The following ACOXL variants were observed in gnomAD, a reference collection of about 807,000 sequenced individuals.
The protein encoded by ACOXL is acyl-CoA oxidase like.
Under a neutral mutation model 71.9 loss-of-function variants are expected in ACOXL, and 70 were observed. That is an observed-to-expected ratio of 0.97 (90% confidence interval 0.80 to 1.19). ACOXL has a LOEUF of 1.19. ACOXL is among the 50% of genes most tolerant of loss of function. The probability of loss-of-function intolerance (pLI) is 0.00; values close to 1 mark genes in which losing one functional copy is unlikely to be tolerated. For synonymous variants in ACOXL, 253 were observed against 281.6 expected (o/e 0.90, Z 1.02); for missense variants, 703 against 736.3 (o/e 0.95, Z 0.52).
At chr2:110,815,246 A>G (rs1308955700) in intron 9 of ACOXL, among the ~76,000 whole-genome samples, 2 of 152,202 alleles carry the variant, frequency 1.3e-5, no homozygotes, top group African/African-American at 4.8e-5. Flanking sequence ...TGATTCAATT[A>G]CTTCCCAATG....
intron 10 of ACOXL, among the ~76,000 whole-genome samples, chr2:110,884,943 C>T (rs962390694): frequency 1.3e-5 from 2 of 152,028 alleles, no homozygotes; most frequent in African/African-American, 4.8e-5. Context: ...TCTGCATTGG[C>T]ATTCTTTCTA....
intron 16 of ACOXL, among the ~76,000 whole-genome samples, chr2:111,054,325 G>C (rs895357597): frequency 2.0e-5 from 3 of 152,234 alleles, no homozygotes; most frequent in African/African-American, 7.2e-5. Flanking sequence ...TCTTGTTCTA[G>C]GTGGAGGGCT....
At chr2:110,773,162 T>C (rs1682181833) in intron 2 of ACOXL, among the ~76,000 whole-genome samples, 1 of 152,200 alleles carries the variant, frequency 6.6e-6, no homozygotes, top group South Asian at 2.1e-4. Flanking sequence ...TTGGTTGCAT[T>C]ATATTTATAT....
intron 10 of ACOXL, among the ~76,000 whole-genome samples, chr2:110,894,106 T>A (rs2058903882): frequency 6.6e-6 from 1 of 152,124 alleles, no homozygotes. Flanking sequence ...ATTTGAAACC[T>A]GCAATAGAAC....
chr2:110,832,705 T>C (rs1008611768), intron 9 of ACOXL, among the ~76,000 whole-genome samples: 2 of 152,194 alleles, frequency 1.3e-5, no homozygotes, highest in African/African-American at 4.8e-5. Flanking sequence ...ATGTAGAATA[T>C]GTTAAGAGCT....
chr2:110,866,369 C>A (rs1007398742), intron 10 of ACOXL, among the ~76,000 whole-genome samples: 1 of 152,044 alleles, frequency 6.6e-6, no homozygotes, highest in East Asian at 1.9e-4. Flanking sequence ...AGAAGACGGG[C>A]TTTGGAAGGG....
intron 1 of ACOXL, among the ~76,000 whole-genome samples, chr2:110,764,817 A>G (rs959162119): frequency 6.6e-6 from 1 of 152,224 alleles, no homozygotes; most frequent in Non-Finnish European, 1.5e-5. Flanking sequence ...GCTCTAAAAA[A>G]GTCTATTAAA....
At chr2:111,005,065 A>G (rs141007147) in intron 14 of ACOXL, among the ~76,000 whole-genome samples, 7 of 152,360 alleles carry the variant, frequency 4.6e-5, no homozygotes, top group Non-Finnish European at 8.8e-5. Flanking sequence ...GAAATTGGGC[A>G]AATGGAAGGA....
At chr2:110,856,344 C>T (rs1023856239) in intron 10 of ACOXL, among the ~76,000 whole-genome samples, 2 of 152,186 alleles carry the variant, frequency 1.3e-5, no homozygotes, top group Admixed American at 6.5e-5. Flanking sequence ...CACTTAGTAG[C>T]TGTCTCAGTG....
intron 15 of ACOXL, among the ~76,000 whole-genome samples, chr2:111,044,454 C>T (rs370025013): frequency 5.8e-4 from 89 of 152,342 alleles, no homozygotes; most frequent in African/African-American, 1.9e-3. Flanking sequence ...AAAGCTTAGC[C>T]GCAGGGGCAG....
intron 10 of ACOXL, among the ~76,000 whole-genome samples, chr2:110,881,788 G>T (rs1213007763): frequency 6.6e-6 from 1 of 151,926 alleles, no homozygotes; most frequent in African/African-American, 2.4e-5. Flanking sequence ...ATTATTTTGA[G>T]ATCCATTCAT....
intron 16 of ACOXL, among the ~76,000 whole-genome samples, chr2:111,081,592 C>T (rs2067925074): frequency 6.6e-6 from 1 of 152,188 alleles, no homozygotes; most frequent in Non-Finnish European, 1.5e-5. Context: ...AATGGCCATA[C>T]TGCCTGAAGT....
intron 10 of ACOXL, among the ~76,000 whole-genome samples, chr2:110,877,403 T>A (rs551278609): frequency 1.3e-5 from 2 of 152,362 alleles, no homozygotes; most frequent in African/African-American, 4.8e-5. Context: ...TGTGCTTGCT[T>A]TCTAGATGTT....
chr2:111,081,574 A>G (rs2067923304), intron 16 of ACOXL, among the ~76,000 whole-genome samples: 1 of 152,220 alleles, frequency 6.6e-6, no homozygotes, highest in African/African-American at 2.4e-5. Flanking sequence ...AAGAATCAAT[A>G]TCATGAAAAT....
Position 111,070,952 on chromosome 2 carries a change from T to C in ACOXL, c.1440+21664T>C, listed in dbSNP as rs138909011. 1.1e-3 allele frequency among the ~76,000 whole-genome samples: 167 copies of C among 152,072 alleles called. 1 individual carries two copies. The highest frequency in any genetic ancestry group is 2.2e-3 in the Admixed American group (34 of 15,258). ...AGCTCCCCAACCTCAGGAAGAGAAA[T>C]AGTCACCCCTGCTTCAGAACATGGT... On this transcript the variant is annotated intron_variant, in intron 16 of 17. Transcript: ENST00000439055.
intron 12 of ACOXL, among the ~76,000 whole-genome samples, chr2:110,983,969 G>A (rs926912367): frequency 6.6e-6 from 1 of 151,982 alleles, no homozygotes; most frequent in Non-Finnish European, 1.5e-5. Flanking sequence ...CCTGCTTCCC[G>A]AGTAACTGGG....
rs114998537 is a variant in ACOXL, at chr2:110,962,287, C to T, written c.1060-24821C>T. 3.6e-3 allele frequency among the ~76,000 whole-genome samples: 547 copies of T among 152,332 alleles called. 3 individuals are homozygous for T. Among genetic ancestry groups the T allele is most frequent in the African/African-American group, 0.013 (535 of 41,566 alleles). ...TGCGGAAATCACTCTGCGGCAGGAC[C>T]GCACTTTATCGGAACCTGCTTTCAT... On this transcript the variant is annotated intron_variant, in intron 12 of 17. Coordinates refer to ENST00000439055, the MANE Select transcript of ACOXL (RefSeq NM_001142807.4).
chr2:110,805,344 A>G lies in ACOXL; in HGVS notation c.702A>G (p.Ala234=). Residue 234 remains alanine, a synonymous_variant, in exon 9 of 18, where the codon GCA becomes GCG. Transcript: ENST00000439055. ...KSARFNAMLA[A]LTPSRLAVAF... Reference sequence around the variant, plus strand: ...CAAGATTCAATGCCATGCTGGCAGCACTGACCCCTTCGAGATTAGCTGTGG... The same window carrying G: ...CAAGATTCAATGCCATGCTGGCAGCGCTGACCCCTTCGAGATTAGCTGTGG... 6.2e-7 allele frequency: 1 copy of G among 1,614,254 alleles called. No individual in the cohort carries two copies. The highest frequency in any genetic ancestry group is 1.7e-5 in the Admixed American group (1 of 60,032).
At chr2:110,758,057 T>G (rs1357084874) in intron 1 of ACOXL, among the ~76,000 whole-genome samples, 1 of 152,222 alleles carries the variant, frequency 6.6e-6, no homozygotes, top group Non-Finnish European at 1.5e-5. Flanking sequence ...CCAACTTGAG[T>G]TAATTTTTAT....
Sources: gnomAD v4.1 joint callset for allele counts (sites outside exome capture counted in the v4.1 genomes callset) on GRCh38, gnomAD v4.1.1 for gene constraint, MANE v1.5 for transcripts, NCBI Gene and HGNC (gene_info 2026-07-23, HGNC 2026-07-21) for gene names.